The following PPP6R3 variants were observed in gnomAD, a reference collection of about 807,000 sequenced individuals.
PPP6R3 encodes the protein serine/threonine-protein phosphatase 6 regulatory subunit 3.
PPP6R3 carries 38 observed loss-of-function variants against 110.7 expected under a neutral mutation model. That is an observed-to-expected ratio of 0.34 (90% CI 0.26 to 0.45). The LOEUF is 0.45. PPP6R3 is among the 20% of genes least tolerant of loss of function. PPP6R3 has a pLI of 1.00. For synonymous variants in PPP6R3, 369 were observed against 373.5 expected (o/e 0.99, Z 0.14); for missense variants, 870 against 1,062.4 (o/e 0.82, Z 2.52).
In PPP6R3 at chr11:68,614,842, C is replaced by A; in HGVS notation, c.*1725C>A. The stretch of plus-strand genomic sequence containing the variant: ...TCCTGCTTGCCTCAGGGCTGCCTGA[C>A]TTGAATGGCGTTGGACCTCGGGGAT... On this transcript the variant is annotated 3_prime_UTR_variant, in exon 24 of 24. Transcript: ENST00000393800. 1 of 1,218,370 alleles carries A rather than the reference C, an allele frequency of 8.2e-7. No homozygotes were observed. Among genetic ancestry groups the A allele is most frequent in the Non-Finnish European group, 1.2e-6 (1 of 851,922 alleles). The allele number at this position is 1,218,370 out of a possible 1,614,324, so 75.5% of individuals were successfully genotyped here. A position where few individuals can be genotyped will look rare whatever the true frequency, so the allele number is the denominator to read the frequency against.
chr11:68,576,088 C>T, intron 14 of PPP6R3, 45 bp downstream of exon 14: 1 of 1,373,164 alleles, frequency 7.3e-7, no homozygotes, highest in Non-Finnish European at 1.0e-6. Flanking sequence ...GTGCTCTTAG[C>T]CTTTGCCCAT....
chr11:68,475,454 T>C (rs202114469), intron 1 of PPP6R3, among the ~76,000 whole-genome samples: 4 of 151,858 alleles, frequency 2.6e-5, no homozygotes, highest in East Asian at 1.9e-4. Flanking sequence ...GGGTGGTGGC[T>C]GGGCAGAGGG....
intron 4 of PPP6R3, among the ~76,000 whole-genome samples, chr11:68,547,661 G>A (rs7948045): frequency 1 from 152,134 of 152,356 alleles, 75,957 homozygotes; most frequent in Middle Eastern, 1. Flanking sequence ...TTAGAGTCCA[G>A]TTAGGATTTT....
intron 22 of PPP6R3, among the ~76,000 whole-genome samples, chr11:68,607,536 C>T (rs183424112): frequency 9.6e-4 from 146 of 152,308 alleles, no homozygotes; most frequent in Non-Finnish European, 1.7e-3. Flanking sequence ...TCTTAGGAAC[C>T]CTATAAGATA....
intron 1 of PPP6R3, among the ~76,000 whole-genome samples, chr11:68,489,897 C>T (rs1387521319): frequency 1.3e-5 from 2 of 152,044 alleles, no homozygotes; most frequent in East Asian, 1.9e-4. Flanking sequence ...TTTCTGATTC[C>T]GCCTTCCTGT....
intron 1 of PPP6R3, among the ~76,000 whole-genome samples, chr11:68,468,037 G>A (rs1181715454): frequency 6.6e-6 from 1 of 152,164 alleles, no homozygotes; most frequent in East Asian, 1.9e-4. Context: ...GCCTCCCAAA[G>A]TGTTGAAATT....
chr11:68,544,361 A>G (rs1193564387), intron 3 of PPP6R3, among the ~76,000 whole-genome samples: 5 of 152,256 alleles, frequency 3.3e-5, no homozygotes, highest in Non-Finnish European at 1.5e-5. Context: ...CCATCTAAAG[A>G]TAAAGGCTGG....
At chr11:68,489,023 CT>C (rs200526605) in intron 1 of PPP6R3, among the ~76,000 whole-genome samples, 8,476 of 140,336 alleles carry the variant, frequency 0.06, 219 homozygotes, top group Middle Eastern at 0.12. Flanking sequence ...CAGGTTTTGC[CT>C]TTTTTTTTTT....
intron 1 of PPP6R3, among the ~76,000 whole-genome samples, chr11:68,497,546 G>A (rs1317616655): frequency 6.6e-6 from 1 of 150,536 alleles, no homozygotes; most frequent in Non-Finnish European, 1.5e-5. Context: ...GTAGAAACGG[G>A]GATTTACCAC....
chr11:68,548,292 T>C, intron 5 of PPP6R3, 88 bp downstream of exon 5: 1 of 1,535,930 alleles, frequency 6.5e-7, no homozygotes, highest in Non-Finnish European at 8.9e-7. Context: ...AAGGAATGCA[T>C]GGGATTAGGG....
chr11:68,469,218 G>A (rs571467747), intron 1 of PPP6R3, among the ~76,000 whole-genome samples: 86 of 152,300 alleles, frequency 5.6e-4, no homozygotes, highest in African/African-American at 2.0e-3. Flanking sequence ...CTTCCAATAG[G>A]ACTTTACTTA....
intron 19 of PPP6R3, 140 bp downstream of exon 19, chr11:68,596,358 T>A: frequency 8.3e-7 from 1 of 1,199,730 alleles, no homozygotes; most frequent in Non-Finnish European, 1.2e-6. Context: ...AGTGAATTCC[T>A]CTTGGAGGTT....
chr11:68,585,450 T>TG (rs772932336), intron 15 of PPP6R3, among the ~76,000 whole-genome samples: 8 of 152,240 alleles, frequency 5.3e-5, no homozygotes, highest in African/African-American at 9.6e-5. Flanking sequence ...CTCAGTGACT[T>TG]GAACAGTTTC....
chr11:68,538,743 A>C (rs1034211320), intron 3 of PPP6R3, among the ~76,000 whole-genome samples: 6 of 152,316 alleles, frequency 3.9e-5, no homozygotes, highest in Non-Finnish European at 7.4e-5. Context: ...AGGTCTTCAG[A>C]GATGTCATGT....
At chr11:68,482,128 C>T (rs1243032538) in intron 1 of PPP6R3, among the ~76,000 whole-genome samples, 3 of 149,718 alleles carry the variant, frequency 2.0e-5, no homozygotes, top group African/African-American at 7.4e-5. Context: ...CCTGTAGTCC[C>T]AGCATTTATC....
intron 22 of PPP6R3, chr11:68,609,538 CA>C (rs1254026165): frequency 1.3e-6 from 2 of 1,499,078 alleles, no homozygotes; most frequent in Non-Finnish European, 1.8e-6. Flanking sequence ...ATTATTCCCC[CA>C]AATTCCTCAT....
intron 16 of PPP6R3, 112 bp from the exon 17 acceptor site, chr11:68,590,548 A>G: frequency 8.5e-7 from 1 of 1,170,686 alleles, no homozygotes; most frequent in Non-Finnish European, 1.2e-6. Flanking sequence ...TTTTATTTAT[A>G]GAGATTTTGA....
At chr11:68,513,825 G>A (rs547997317) in intron 1 of PPP6R3, among the ~76,000 whole-genome samples, 81 of 152,306 alleles carry the variant, frequency 5.3e-4, no homozygotes, top group African/African-American at 1.9e-3. Context: ...GTGTGTAAGC[G>A]TTGTACATAT....
intron 19 of PPP6R3, among the ~76,000 whole-genome samples, 187 bp downstream of exon 19, chr11:68,596,405 A>G (rs72938941): frequency 0.04 from 6,021 of 152,286 alleles, 188 homozygotes; most frequent in Non-Finnish European, 0.064. Context: ...GGAGCACAGA[A>G]TGCATTTGTG....
Sources: gnomAD v4.1 joint callset for allele counts (sites outside exome capture counted in the v4.1 genomes callset) on GRCh38, gnomAD v4.1.1 for gene constraint, MANE v1.5 for transcripts, NCBI Gene and HGNC (gene_info 2026-07-23, HGNC 2026-07-21) for gene names.